Variants in PKNOX1 observed in about 807,000 individuals in gnomAD.
PKNOX1 encodes PBX/knotted 1 homeobox 1.
In PKNOX1, 15 loss-of-function variants were observed where a neutral mutation model predicts 51.9. The ratio of observed to expected loss-of-function variants is 0.29; its 90% confidence interval spans 0.19 to 0.45. The LOEUF (loss-of-function observed/expected upper bound fraction) is 0.45. PKNOX1 is among the 20% of genes least tolerant of loss of function. PKNOX1 has a pLI of 1.00. For synonymous variants in PKNOX1, 219 were observed against 211.1 expected, an observed-to-expected ratio of 1.04 and a Z score of -0.32; for missense variants, 462 against 547.5, an observed-to-expected ratio of 0.84 and a Z score of 1.56.
chr21:42,987,392 A>C (rs1601272762), intron 1 of PKNOX1, among the ~76,000 whole-genome samples: 1 of 92,650 alleles, frequency 1.1e-5, no homozygotes, highest in African/African-American at 4.8e-5. Context: ...CAAAAAAAAA[A>C]AAAAAAAAAA....
At chr21:43,007,834 C>T (rs377424460) in intron 3 of PKNOX1, 141 of 432,892 alleles carry the variant, frequency 3.3e-4, no homozygotes, top group South Asian at 1.4e-3. Flanking sequence ...GAGGCTGAGG[C>T]GGGCGGATCA....
Position 43,028,653 on chromosome 21 carries a change from G to T in PKNOX1, c.927-49G>T, listed in dbSNP as rs170916. 2.3e-4 allele frequency: 364 copies of T among 1,551,248 alleles called. 1 individual carries two copies. Among genetic ancestry groups the T allele is most frequent in the Non-Finnish European group, 4.5e-5 (51 of 1,125,796 alleles). On this transcript the variant is annotated intron_variant, in intron 9 of 10. Transcript: ENST00000291547. ...AGAAGGATTTGTTAATCCTGTATAG[G>T]GTCTTTACGAAGGCTGTTTTCATGG... is the stretch of plus-strand genomic sequence containing the variant.
At chr21:43,024,770 A>G (rs1016500009) in intron 8 of PKNOX1, 101 bp from the exon 9 acceptor site, 15 of 746,322 alleles carry the variant, frequency 2.0e-5, no homozygotes, top group Admixed American at 4.2e-5. Context: ...TGACGTGACC[A>G]TTATTTTCTA....
intron 1 of PKNOX1, among the ~76,000 whole-genome samples, chr21:42,992,088 C>T (rs917542117): frequency 6.6e-6 from 1 of 152,180 alleles, no homozygotes; most frequent in African/African-American, 2.4e-5. Context: ...CACAGCTGAG[C>T]GTCTTTCGTG....
chr21:43,004,381 C>A lies in PKNOX1; in HGVS notation c.-1C>A, dbSNP rs1267053707. 1.9e-6 allele frequency: 3 copies of A among 1,602,232 alleles called. No individual in the cohort carries two copies. The highest frequency in any genetic ancestry group is 3.3e-5 in the Admixed American group (2 of 59,966). On this transcript the variant is annotated 5_prime_UTR_variant, in exon 2 of 11. Coordinates refer to ENST00000291547, the MANE Select transcript of PKNOX1 (RefSeq NM_004571.5). The stretch of plus-strand genomic sequence containing the variant: ...GATGTCTTATAAAACTCTGATGAAC[C>A]ATGATGGCTACACAGACATTAAGTA...
intron 1 of PKNOX1, among the ~76,000 whole-genome samples, chr21:42,995,249 T>C (rs1978447977): frequency 6.6e-6 from 1 of 152,158 alleles, no homozygotes; most frequent in South Asian, 2.1e-4. Context: ...CCAGTTTCTT[T>C]ATAGAGTGCC....
At chr21:42,977,487 G>A (rs1456500935) in intron 1 of PKNOX1, among the ~76,000 whole-genome samples, 2 of 150,864 alleles carry the variant, frequency 1.3e-5, no homozygotes, top group African/African-American at 4.9e-5. Flanking sequence ...TCGTGTTATG[G>A]GGACAGCTTC....
rs961253180 is a variant in PKNOX1, at chr21:43,030,890, A to G, written c.*789A>G. 3.9e-5 allele frequency: 6 copies of G among 152,346 alleles called. No homozygotes were observed. The highest frequency in any genetic ancestry group is 1.9e-4 in the East Asian group (1 of 5,182). The allele number at this position is 152,346 out of a possible 1,614,324, so 9.4% of individuals were successfully genotyped here. On this transcript the variant is annotated 3_prime_UTR_variant, in exon 11 of 11. Coordinates refer to ENST00000291547, the MANE Select transcript of PKNOX1 (RefSeq NM_004571.5). The stretch of plus-strand genomic sequence containing the variant: ...TTGCTCTCCCCGGGTAGTGATGAAC[A>G]TTTACTACTATAAAAGAAACAGCTA...
chr21:43,006,860 C>A (rs752219941), intron 2 of PKNOX1, among the ~76,000 whole-genome samples: 13 of 152,222 alleles, frequency 8.5e-5, no homozygotes, highest in Non-Finnish European at 1.8e-4. Context: ...AGTTTACTTT[C>A]ACGAAATTTT....
At chr21:43,015,576 A>G (rs188089366) in intron 5 of PKNOX1, among the ~76,000 whole-genome samples, 135 of 152,350 alleles carry the variant, frequency 8.9e-4, no homozygotes, top group African/African-American at 3.1e-3. Context: ...TGGTATCAAA[A>G]TACACAAACT....
At chr21:42,975,391 G>A (rs977982995) in intron 1 of PKNOX1, among the ~76,000 whole-genome samples, 1 of 152,066 alleles carries the variant, frequency 6.6e-6, no homozygotes, top group African/African-American at 2.4e-5. Context: ...GCCGGGTGCT[G>A]GGGAAGCGGT....
intron 6 of PKNOX1, 27 bp from the exon 7 acceptor site, chr21:43,018,106 C>T: frequency 8.6e-7 from 1 of 1,163,902 alleles, no homozygotes; most frequent in South Asian, 1.2e-5. Context: ...TTAAAAGCAG[C>T]CTCATATTTT....
chr21:42,986,057 C>T (rs2059051180), intron 1 of PKNOX1, among the ~76,000 whole-genome samples: 1 of 150,780 alleles, frequency 6.6e-6, no homozygotes, highest in Admixed American at 6.6e-5. Context: ...TGTAAAATAC[C>T]TTTGATACTA....
intron 1 of PKNOX1, among the ~76,000 whole-genome samples, chr21:42,984,831 A>G (rs1568887591): frequency 6.6e-6 from 1 of 152,076 alleles, no homozygotes; most frequent in Non-Finnish European, 1.5e-5. Context: ...CAGGGAGAGT[A>G]GAGAGGGGTG....
At chr21:43,016,803 C>G in intron 5 of PKNOX1, 105 bp from the exon 6 acceptor site, 1 of 668,454 alleles carries the variant, frequency 1.5e-6, no homozygotes, top group Non-Finnish European at 2.5e-6. Flanking sequence ...CCTCAAGCTT[C>G]TCTTTCCTTT....
At chr21:43,007,142 T>A (rs1304454134) in intron 2 of PKNOX1, among the ~76,000 whole-genome samples, 1 of 152,198 alleles carries the variant, frequency 6.6e-6, no homozygotes, top group Non-Finnish European at 1.5e-5. Context: ...GGACTATTTG[T>A]CTATGCTTCT....
chr21:42,992,651 A>G (rs1474350903), intron 1 of PKNOX1, among the ~76,000 whole-genome samples: 1 of 152,106 alleles, frequency 6.6e-6, no homozygotes, highest in Non-Finnish European at 1.5e-5. Context: ...AGCTGGGGAT[A>G]CTGACCAGAG....
chr21:43,006,663 TG>T (rs1979000033), intron 2 of PKNOX1, among the ~76,000 whole-genome samples: 1 of 152,240 alleles, frequency 6.6e-6, no homozygotes, highest in African/African-American at 2.4e-5. Context: ...CGTTCATGGC[TG>T]GCCCCCAGTC....
intron 5 of PKNOX1, among the ~76,000 whole-genome samples, chr21:43,016,567 G>A (rs1326932108): frequency 6.6e-6 from 1 of 152,184 alleles, no homozygotes; most frequent in Non-Finnish European, 1.5e-5. Context: ...ACCAAGCCAA[G>A]TCTAATGAAA....
Sources: gnomAD v4.1 joint callset for allele counts (sites outside exome capture counted in the v4.1 genomes callset) on GRCh38, gnomAD v4.1.1 for gene constraint, MANE v1.5 for transcripts, NCBI Gene and HGNC (gene_info 2026-07-23, HGNC 2026-07-21) for gene names.